Variants in EPS15L1 observed in about 807,000 individuals in gnomAD.
EPS15L1 encodes epidermal growth factor receptor pathway substrate 15 like 1, also known as epidermal growth factor receptor substrate 15-like 1.
A neutral mutation model predicts 117.1 loss-of-function variants in EPS15L1; 43 were observed. The ratio of observed to expected loss-of-function variants is 0.37; its 90% CI spans 0.29 to 0.47. EPS15L1 has a LOEUF of 0.47. EPS15L1 is among the 20% of genes least tolerant of loss of function. The pLI is 0.99. For missense variants in EPS15L1, 981 were observed against 1,164.0 expected, an observed-to-expected ratio of 0.84 and a Z score of 2.29; for synonymous variants, 459 against 470.5, an observed-to-expected ratio of 0.98 and a Z score of 0.32.
chr19:16,386,363 C>G, intron 19 of EPS15L1, 132 bp from the exon 20 acceptor site: 1 of 721,616 alleles, frequency 1.4e-6, no homozygotes, highest in Non-Finnish European at 2.4e-6. Flanking sequence ...ATGATTAAAA[C>G]TCAACCCAGG....
At chr19:16,422,233 T>C (rs980820207) in intron 9 of EPS15L1, among the ~76,000 whole-genome samples, 2 of 152,124 alleles carry the variant, frequency 1.3e-5, no homozygotes, top group Non-Finnish European at 2.9e-5. Flanking sequence ...GCAAACGCCA[T>C]CATGGGTCAA....
At chr19:16,433,917 C>A (rs543144594) in intron 7 of EPS15L1, among the ~76,000 whole-genome samples, 3 of 151,884 alleles carry the variant, frequency 2.0e-5, no homozygotes, top group Admixed American at 2.0e-4. Context: ...GAGCCGAGAT[C>A]GTGCCACTGC....
chr19:16,438,214 G>C (rs755254156), intron 4 of EPS15L1, among the ~76,000 whole-genome samples: 1 of 152,118 alleles, frequency 6.6e-6, no homozygotes. Context: ...TCAGCCAGGC[G>C]TGGTGGCAGG....
At chr19:16,407,978 TA>T (rs1362722203) in intron 13 of EPS15L1, among the ~76,000 whole-genome samples, 1 of 152,164 alleles carries the variant, frequency 6.6e-6, no homozygotes, top group African/African-American at 2.4e-5. Flanking sequence ...TTGGGGGTGA[TA>T]ACACAGAATA....
At chr19:16,363,177 T>C (rs2092082919) in intron 22 of EPS15L1, among the ~76,000 whole-genome samples, 1 of 152,118 alleles carries the variant, frequency 6.6e-6, no homozygotes, top group South Asian at 2.1e-4. Context: ...GACACCCCTC[T>C]ATCTGCCCAA....
chr19:16,377,355 C>A, intron 21 of EPS15L1, 101 bp from the exon 22 acceptor site: 5 of 1,362,906 alleles, frequency 3.7e-6, no homozygotes, highest in Non-Finnish European at 5.1e-6. Context: ...CCTGGCAAGG[C>A]CTCCTACCCT....
intron 7 of EPS15L1, among the ~76,000 whole-genome samples, chr19:16,429,758 C>A (rs368301891): frequency 2.0e-5 from 3 of 152,202 alleles, no homozygotes; most frequent in African/African-American, 7.2e-5. Flanking sequence ...CCCAACCCAG[C>A]CTCCACAGAC....
chr19:16,410,829 C>T (rs1222316112), intron 13 of EPS15L1, among the ~76,000 whole-genome samples: 1 of 152,158 alleles, frequency 6.6e-6, no homozygotes, highest in Admixed American at 6.5e-5. Flanking sequence ...GGGAGGATCA[C>T]CTGAGTCTGG....
chr19:16,387,791 C>T lies in EPS15L1; in HGVS notation c.2104-1560G>A, dbSNP rs538871728. Among the ~76,000 whole-genome samples, 5 of 152,124 alleles carry T rather than the reference C, an allele frequency of 3.3e-5. 1 individual carries two copies. The South Asian group carries it at 8.3e-4, about 25-fold the overall frequency. ...AAACAAACAAAAAAAAACCCCACTT[C>T]ATTAGGTTAGCTAAATAACCAAGAA... is the stretch of plus-strand genomic sequence containing the variant. On this transcript the variant is annotated intron_variant, in intron 19 of 23. Transcript: ENST00000455140.
chr19:16,403,987 C>T, intron 14 of EPS15L1, 57 bp from the exon 15 acceptor site: 2 of 1,494,044 alleles, frequency 1.3e-6, no homozygotes, highest in South Asian at 1.2e-5. Flanking sequence ...TGAAATGGGA[C>T]TCCGAGAAAG....
In EPS15L1 at chr19:16,365,311, C is replaced by T. The variant is rs2092118236; in HGVS notation, c.2381-3327G>A. ...TAACCCCTGTGCCTTAGAATATAAC[C>T]ATACTTGAAGATAGCATATTTAAAG... is the stretch of plus-strand genomic sequence containing the variant. On this transcript the variant is annotated intron_variant, in intron 22 of 23. Transcript: ENST00000455140. The surrounding 1 kb of genome is among the most constrained non-coding windows in gnomAD (Gnocchi z 4.9). Among the ~76,000 whole-genome samples, 1 of 152,156 alleles carries T rather than the reference C, an allele frequency of 6.6e-6. No individual in the cohort carries two copies. Among genetic ancestry groups the T allele is most frequent in the African/African-American group, 2.4e-5 (1 of 41,424 alleles).
intron 1 of EPS15L1, among the ~76,000 whole-genome samples, chr19:16,463,671 T>C (rs567772877): frequency 8.5e-5 from 13 of 152,316 alleles, no homozygotes; most frequent in Admixed American, 1.3e-4. Flanking sequence ...GCACAGTCTC[T>C]GCCCTTGTGG....
At position 16,404,840 on chromosome 19, in the gene EPS15L1, G is replaced by A. The variant is rs1599590657; in HGVS notation, c.1267-91C>T. On this transcript the variant is annotated intron_variant, in intron 13 of 23. Coordinates refer to ENST00000455140, the MANE Select transcript of EPS15L1 (RefSeq NM_001258374.3). The surrounding 1 kb of genome is among the most constrained non-coding windows in gnomAD (Gnocchi z 4.2). ...GGCAGCCTGGGCCAGAAGTCCAGGG[G>A]AAGCCTCCGAAACCACCCACTGTGA... 1 of 1,429,270 alleles carries A rather than the reference G, an allele frequency of 7.0e-7. No homozygotes were observed. The highest frequency in any genetic ancestry group is 9.6e-7 in the Non-Finnish European group (1 of 1,039,060). 88.5% of individuals were successfully genotyped at this position (1,429,270 alleles called of 1,614,324 possible). A position where few individuals can be genotyped will look rare whatever the true frequency, so the allele number is the denominator to read the frequency against.
At chr19:16,412,384 C>T (rs1382817040) in intron 13 of EPS15L1, among the ~76,000 whole-genome samples, 1 of 151,852 alleles carries the variant, frequency 6.6e-6, no homozygotes, top group Non-Finnish European at 1.5e-5. Flanking sequence ...CCTGTAATCC[C>T]AACTACTTGG....
chr19:16,430,083 T>C (rs895037898), intron 7 of EPS15L1, among the ~76,000 whole-genome samples: 6 of 152,230 alleles, frequency 3.9e-5, no homozygotes, highest in African/African-American at 1.4e-4. Flanking sequence ...CCAGACTGCC[T>C]GAGGCCTCTG....
chr19:16,456,611 T>G (rs781714439), intron 1 of EPS15L1, among the ~76,000 whole-genome samples: 1 of 152,002 alleles, frequency 6.6e-6, no homozygotes, highest in African/African-American at 2.4e-5. Flanking sequence ...TGAGCCAAGA[T>G]GATGCCATTG....
At chr19:16,456,571 C>T (rs551163959) in intron 1 of EPS15L1, among the ~76,000 whole-genome samples, 13 of 152,066 alleles carry the variant, frequency 8.5e-5, no homozygotes, top group East Asian at 1.9e-4. Flanking sequence ...GCGGGAGAAC[C>T]GCTTGAACCC....
chr19:16,357,874 A>G (rs2092003732), intron 23 of EPS15L1: 1 of 152,118 alleles, frequency 6.6e-6, no homozygotes, highest in African/African-American at 2.4e-5. Context: ...CCCCCGCCCC[A>G]GTTTGGGGAA....
chr19:16,393,985 A>G lies in EPS15L1; in HGVS notation c.1932T>C (p.Asn644=). The G allele has an allele frequency of 2.5e-6, 4 of 1,614,144 alleles. No homozygotes were observed. Among genetic ancestry groups the G allele is most frequent in the Non-Finnish European group, 1.7e-6 (2 of 1,179,974 alleles). ...ADPFKGDPFQ[N]DPFAEQQTTS... The stretch of plus-strand genomic sequence containing the variant: ...TTGTCTGCTGTTCTGCAAAGGGGTC[A>G]TTCTGGAACGGGTCGCCTGGTTGGA... The change falls in exon 18 of 24, where the codon AAT becomes AAC. Residue 644 remains asparagine, a synonymous_variant. Transcript: ENST00000455140.
Sources: gnomAD v4.1 joint callset for allele counts (sites outside exome capture counted in the v4.1 genomes callset) on GRCh38, gnomAD v4.1.1 for gene constraint, Gnocchi (gnomAD v3.1) non-coding constraint, MANE v1.5 for transcripts, NCBI Gene and HGNC (gene_info 2026-07-23, HGNC 2026-07-21) for gene names.